Variants in IMMP2L observed in about 807,000 individuals in gnomAD.
IMMP2L encodes the protein inner mitochondrial membrane peptidase subunit 2.
IMMP2L carries 18 observed loss-of-function variants against 19.3 expected under a neutral mutation model. That is an observed-to-expected ratio of 0.93 (90% CI 0.64 to 1.38). The LOEUF is 1.38. Among genes scored for constraint, IMMP2L ranks in the 40% most tolerant of loss-of-function variants. IMMP2L has a pLI of 0.00. For synonymous variants in IMMP2L, 76 were observed against 73.0 expected (o/e 1.04, Z -0.21); for missense variants, 233 against 218.2 (o/e 1.07, Z -0.43).
At chr7:111,525,870 A>G (rs956109105) in intron 1 of IMMP2L, among the ~76,000 whole-genome samples, 2 of 152,106 alleles carry the variant, frequency 1.3e-5, no homozygotes, top group Non-Finnish European at 2.9e-5. Context: ...CTGCCCTTCA[A>G]CAATTATTTC....
At chr7:110,959,136 T>A (rs2129555088) in intron 4 of IMMP2L, among the ~76,000 whole-genome samples, 1 of 152,150 alleles carries the variant, frequency 6.6e-6, no homozygotes, top group African/African-American at 2.4e-5. Flanking sequence ...TACTGAAACC[T>A]ACAGTAAGTA....
chr7:110,674,734 T>C (rs769656670), intron 5 of IMMP2L, among the ~76,000 whole-genome samples: 1 of 152,220 alleles, frequency 6.6e-6, no homozygotes, highest in Non-Finnish European at 1.5e-5. Context: ...CTCTCCAATC[T>C]GATATCAAAG....
chr7:111,172,533 T>C (rs1053051625), intron 3 of IMMP2L, among the ~76,000 whole-genome samples: 3 of 151,588 alleles, frequency 2.0e-5, no homozygotes, highest in African/African-American at 4.8e-5. Flanking sequence ...TTTTAAAATA[T>C]ATAATACATT....
chr7:110,886,718 C>A (rs763261969), intron 4 of IMMP2L, 23 bp from the exon 5 acceptor site: 2 of 1,153,060 alleles, frequency 1.7e-6, no homozygotes, highest in Non-Finnish European at 2.6e-6. Context: ...AGTGTAACCA[C>A]TGAGATATGA....
chr7:110,735,760 C>T (rs551346607), intron 5 of IMMP2L, among the ~76,000 whole-genome samples: 1 of 134,936 alleles, frequency 7.4e-6, no homozygotes, highest in Non-Finnish European at 1.5e-5. Context: ...CCTGTAGTCC[C>T]AGCTTGAGCC....
chr7:110,717,380 G>A (rs1037890761), intron 5 of IMMP2L, among the ~76,000 whole-genome samples: 1 of 152,226 alleles, frequency 6.6e-6, no homozygotes, highest in Non-Finnish European at 1.5e-5. Context: ...CAGGAGAAAG[G>A]CATGAACCCA....
At chr7:111,414,983 T>C (rs1333121773) in intron 3 of IMMP2L, among the ~76,000 whole-genome samples, 3 of 151,762 alleles carry the variant, frequency 2.0e-5, no homozygotes, top group African/African-American at 7.3e-5. Flanking sequence ...TCACTCCCAG[T>C]ATGATGTTAC....
rs185004517 is a variant in IMMP2L, at chr7:111,484,498, C to G, written c.239+2740G>C. Among the ~76,000 whole-genome samples, 6 of 152,074 alleles carry G rather than the reference C, an allele frequency of 3.9e-5. No homozygotes were observed. The East Asian group carries it at 1.2e-3, about 29-fold the overall frequency. ...TAATATCAATTTCTAAACAAAATTA[C>G]GAAGTGTATTTTATCATCAGCTTTA... On this transcript the variant is annotated intron_variant, in intron 3 of 5. Coordinates refer to ENST00000405709, the MANE Select transcript of IMMP2L (RefSeq NM_032549.4).
chr7:111,448,198 C>T (rs893196578), intron 3 of IMMP2L, among the ~76,000 whole-genome samples: 1 of 126,578 alleles, frequency 7.9e-6, no homozygotes, highest in African/African-American at 3.8e-5. Context: ...CAGCTCTGCA[C>T]CAAGCGGACC....
chr7:111,214,330 TC>T (rs1277392255), intron 3 of IMMP2L, among the ~76,000 whole-genome samples: 67 of 127,050 alleles, frequency 5.3e-4, no homozygotes, highest in African/African-American at 1.4e-3. Context: ...TAATTTTTCT[TC>T]TTTTTTTTTT....
At chr7:111,310,873 A>C (rs148947032) in intron 3 of IMMP2L, among the ~76,000 whole-genome samples, 39 of 152,310 alleles carry the variant, frequency 2.6e-4, no homozygotes, top group African/African-American at 9.4e-4. Context: ...GAGTATCTCC[A>C]ATCAGAATTG....
At chr7:111,157,682 C>T (rs1050040598) in intron 3 of IMMP2L, among the ~76,000 whole-genome samples, 3 of 151,974 alleles carry the variant, frequency 2.0e-5, no homozygotes, top group Non-Finnish European at 2.9e-5. Context: ...ACTGTGTCTA[C>T]AGTCAACAAT....
chr7:111,494,805 G>A (rs1843439065), intron 2 of IMMP2L, among the ~76,000 whole-genome samples: 1 of 151,934 alleles, frequency 6.6e-6, no homozygotes, highest in Admixed American at 6.6e-5. Context: ...AAAATAAAGG[G>A]AAACAATATC....
intron 1 of IMMP2L, among the ~76,000 whole-genome samples, chr7:111,540,717 C>A (rs1018444715): frequency 1.3e-5 from 2 of 152,150 alleles, no homozygotes; most frequent in African/African-American, 4.8e-5. Context: ...TTCTATACAT[C>A]CTAAAATTCT....
At chr7:110,852,735 C>T (rs1481780220) in intron 5 of IMMP2L, among the ~76,000 whole-genome samples, 2 of 151,946 alleles carry the variant, frequency 1.3e-5, no homozygotes, top group African/African-American at 4.8e-5. Context: ...CATGTAGAAC[C>T]ATGAAATATT....
At chr7:111,320,464 T>A (rs1203478972) in intron 3 of IMMP2L, among the ~76,000 whole-genome samples, 1 of 152,074 alleles carries the variant, frequency 6.6e-6, no homozygotes. Flanking sequence ...TTCTCTGGCC[T>A]ACAACCCATA....
At chr7:111,282,220 A>G (rs1819966407) in intron 3 of IMMP2L, among the ~76,000 whole-genome samples, 1 of 152,210 alleles carries the variant, frequency 6.6e-6, no homozygotes, top group African/African-American at 2.4e-5. Flanking sequence ...GCATGACAGT[A>G]TGAGGATCTC....
At chr7:111,446,503 G>C (rs1235083786) in intron 3 of IMMP2L, among the ~76,000 whole-genome samples, 3 of 150,322 alleles carry the variant, frequency 2.0e-5, no homozygotes, top group Non-Finnish European at 4.4e-5. Context: ...GGTCCTGTCT[G>C]TTAGAAGAAA....
chr7:111,220,116 C>T lies in IMMP2L; in HGVS notation c.240-256551G>A, dbSNP rs1236912293. On this transcript the variant is annotated intron_variant, in intron 3 of 5. Coordinates refer to ENST00000405709, the MANE Select transcript of IMMP2L (RefSeq NM_032549.4). The stretch of plus-strand genomic sequence containing the variant: ...GTTTGCCATTTGAAACCTAATATTA[C>T]ATTTTTCCAGGTACTGTTAAAGAAC... Among the ~76,000 whole-genome samples, 6 of 151,984 alleles carry T rather than the reference C, an allele frequency of 3.9e-5. No individual in the cohort carries two copies. In the East Asian group the frequency reaches 1.2e-3, roughly 29 times the overall value.
Sources: gnomAD v4.1 joint callset for allele counts (sites outside exome capture counted in the v4.1 genomes callset) on GRCh38, gnomAD v4.1.1 for gene constraint, MANE v1.5 for transcripts, NCBI Gene and HGNC (gene_info 2026-07-23, HGNC 2026-07-21) for gene names.